KLHL18: variants seen among roughly 807,000 people sequenced by gnomAD.
KLHL18 encodes kelch-like protein 18.
Under a neutral mutation model 58.5 loss-of-function variants are expected in KLHL18, and 38 were observed. The observed-to-expected ratio is 0.65, with a 90% CI of 0.50 to 0.85. KLHL18 has a LOEUF of 0.85. Ranked by LOEUF, KLHL18 falls within the 40% of genes least tolerant of loss-of-function variation. KLHL18 has a pLI of 0.00. For missense variants in KLHL18, 624 were observed against 778.4 expected (o/e 0.80, Z 2.36); for synonymous variants, 303 against 301.9 (o/e 1.00, Z -0.04).
chr3:47,321,338 T>G (rs1197351238), intron 2 of KLHL18, among the ~76,000 whole-genome samples: 4 of 150,898 alleles, frequency 2.7e-5, no homozygotes, highest in East Asian at 2.0e-4. Context: ...TTTTTTTTGT[T>G]TTGTTTTGTT....
chr3:47,339,110 G>A (rs1021045693), intron 7 of KLHL18, among the ~76,000 whole-genome samples: 2 of 152,190 alleles, frequency 1.3e-5, no homozygotes, highest in Non-Finnish European at 2.9e-5. Context: ...GCAGTCTTGA[G>A]GAGAGACCTC....
intron 3 of KLHL18, among the ~76,000 whole-genome samples, chr3:47,329,475 C>T (rs1703804339): frequency 1.3e-5 from 2 of 152,220 alleles, no homozygotes; most frequent in South Asian, 2.1e-4. Context: ...GATCTGCCTG[C>T]CTCAGCCTCC....
chr3:47,329,987 T>G lies in KLHL18; in HGVS notation c.438T>G (p.Phe146Leu). 3 of 1,614,180 alleles carry G rather than the reference T, an allele frequency of 1.9e-6. No homozygotes were observed. The highest frequency in any genetic ancestry group is 2.5e-6 in the Non-Finnish European group (3 of 1,180,030). ...HPKNCLGVRQ[F>L]AETMMCAVLY... The stretch of plus-strand genomic sequence containing the variant: ...AAAACTGCCTGGGTGTGCGCCAGTT[T>G]GCTGAGACAATGATGTGTGCTGTGC... The change falls in exon 4 of 10, where the codon TTT becomes TTG. Residue 146 changes from phenylalanine to leucine, a missense_variant. By Grantham distance (22) the Phe-to-Leu change is conservative. Transcript: ENST00000232766.
intron 1 of KLHL18, among the ~76,000 whole-genome samples, chr3:47,295,746 A>T (rs1038991001): frequency 1.1e-4 from 16 of 151,578 alleles, no homozygotes; most frequent in East Asian, 3.9e-4. Flanking sequence ...TTTAAAAAAA[A>T]ATTTTTTTTT....
intron 7 of KLHL18, among the ~76,000 whole-genome samples, chr3:47,339,736 G>T (rs1428385909): frequency 2.6e-5 from 4 of 152,128 alleles, no homozygotes; most frequent in Admixed American, 6.5e-5. Flanking sequence ...GCCCTTTCCT[G>T]TCTTCCAGGA....
At chr3:47,329,909 C>T (rs1412306621) in intron 3 of KLHL18, 42 bp from the exon 4 acceptor site, 2 of 1,544,662 alleles carry the variant, frequency 1.3e-6, no homozygotes, top group Middle Eastern at 1.7e-4. Flanking sequence ...AAGATAACAT[C>T]CTTTCTTCCT....
At chr3:47,308,254 A>T (rs955207008) in intron 1 of KLHL18, among the ~76,000 whole-genome samples, 9 of 151,236 alleles carry the variant, frequency 6.0e-5, no homozygotes, top group South Asian at 2.1e-4. Flanking sequence ...TTATTTTTTT[A>T]AAAATTTTAG....
chr3:47,342,938 T>G (rs1704141976), intron 9 of KLHL18, 108 bp downstream of exon 9: 1 of 789,000 alleles, frequency 1.3e-6, no homozygotes, highest in Non-Finnish European at 2.1e-6. Flanking sequence ...CTGAATAAAG[T>G]ATCATCTAGT....
chr3:47,319,654 T>C lies in KLHL18; in HGVS notation c.131T>C (p.Ile44Thr), dbSNP rs753893990. The change falls in exon 2 of 10, where the codon ATT (isoleucine) becomes ACT (threonine). Residue 44 changes from isoleucine to threonine, a missense_variant and splice_region_variant. Physicochemically the swap from Ile to Thr is moderately conservative, Grantham distance 89 (BLOSUM62 -1). Coordinates refer to ENST00000232766, the MANE Select transcript of KLHL18 (RefSeq NM_025010.5). ...QGKLCDVTLKIGDHKFSAHRI... is the reference protein window; with the variant it reads ...QGKLCDVTLKTGDHKFSAHRI... ...CTTTGTATTTTACTTTGCCCACAGA[T>C]TGGGGACCACAAATTCAGTGCCCAC... 2.5e-6 allele frequency: 4 copies of C among 1,613,496 alleles called. No individual in the cohort carries two copies. Among genetic ancestry groups the C allele is most frequent in the South Asian group, 1.1e-5 (1 of 91,072 alleles).
At chr3:47,312,823 T>G (rs2107615431) in intron 1 of KLHL18, among the ~76,000 whole-genome samples, 1 of 152,314 alleles carries the variant, frequency 6.6e-6, no homozygotes, top group South Asian at 2.1e-4. Context: ...AGTCCTTTTT[T>G]TAAATGGATG....
chr3:47,325,044 C>CT (rs1703682456), intron 3 of KLHL18, among the ~76,000 whole-genome samples: 2 of 152,300 alleles, frequency 1.3e-5, no homozygotes, highest in South Asian at 4.1e-4. Context: ...GGCCTGCTTT[C>CT]TGTTTTCTCA....
intron 1 of KLHL18, among the ~76,000 whole-genome samples, chr3:47,301,544 G>C (rs1338961166): frequency 6.6e-6 from 1 of 152,030 alleles, no homozygotes; most frequent in Non-Finnish European, 1.5e-5. Flanking sequence ...CTTGTGTGAG[G>C]TTACCTCTGG....
chr3:47,285,350 G>A (rs954337033), intron 1 of KLHL18, among the ~76,000 whole-genome samples: 8 of 152,344 alleles, frequency 5.3e-5, no homozygotes, highest in African/African-American at 1.4e-4. Flanking sequence ...AAAATGATCC[G>A]GTTTTGGCAG....
At chr3:47,329,687 G>A (rs1576176144) in intron 3 of KLHL18, among the ~76,000 whole-genome samples, 2 of 152,292 alleles carry the variant, frequency 1.3e-5, no homozygotes, top group East Asian at 1.9e-4. Context: ...CTCACCTTCT[G>A]ACAGTTACTT....
chr3:47,341,896 TAAAAAAAAAA>T (rs10586716), intron 8 of KLHL18, among the ~76,000 whole-genome samples: 1 of 125,766 alleles, frequency 8.0e-6, no homozygotes, highest in Non-Finnish European at 1.6e-5. Context: ...CTGTCTCTTT[TAAAAAAAAAA>T]AAAAAAAAAA....
In KLHL18 at chr3:47,334,855, G is replaced by A; in HGVS notation, c.898+36G>A. 6.4e-7 allele frequency: 1 copy of A among 1,574,286 alleles called. No individual in the cohort carries two copies. Among genetic ancestry groups the A allele is most frequent in the Non-Finnish European group, 8.6e-7 (1 of 1,157,768 alleles). ...GCTCCCCTTTATAGACCCTCCTCTT[G>A]GACTCCATGGATGAGGAAGCACCAG... On this transcript the variant is annotated intron_variant, in intron 6 of 9. Coordinates refer to ENST00000232766, the MANE Select transcript of KLHL18 (RefSeq NM_025010.5). This position sits in a 1 kb window ranked among gnomAD's most constrained non-coding sequence, Gnocchi z 4.7.
intron 1 of KLHL18, among the ~76,000 whole-genome samples, chr3:47,316,641 ATATG>A (rs1703445574): frequency 7.1e-6 from 1 of 141,416 alleles, no homozygotes; most frequent in East Asian, 2.0e-4. Flanking sequence ...GTATATATGT[ATATG>A]TGTGTGTATA....
At position 47,306,946 on chromosome 3, in the gene KLHL18, T is replaced by C. The variant is rs189909045; in HGVS notation, c.130-12707T>C. 2.0e-4 allele frequency among the ~76,000 whole-genome samples: 31 copies of C among 152,340 alleles called. 1 individual carries two copies. Among genetic ancestry groups the C allele is most frequent in the Non-Finnish European group, 2.8e-4 (19 of 68,036 alleles). On this transcript the variant is annotated intron_variant, in intron 1 of 9. Coordinates refer to ENST00000232766, the MANE Select transcript of KLHL18 (RefSeq NM_025010.5). ...TTTCATTATCTATGAAATACCTAGT[T>C]TTAGGTAAGTCTTAAGCTCACTTTT...
intron 1 of KLHL18, among the ~76,000 whole-genome samples, chr3:47,293,797 C>T (rs1702839223): frequency 6.6e-6 from 1 of 152,224 alleles, no homozygotes; most frequent in African/African-American, 2.4e-5. Context: ...CTAAAGTGAA[C>T]ACCCTTGCCC....
Sources: allele counts gnomAD v4.1 joint callset (sites outside exome capture counted in the v4.1 genomes callset), GRCh38; gene constraint gnomAD v4.1.1; non-coding constraint Gnocchi (gnomAD v3.1); transcripts MANE v1.5; gene names NCBI Gene and HGNC (gene_info 2026-07-23, HGNC 2026-07-21).